ITPR1: variants seen among roughly 807,000 people sequenced by gnomAD.
The protein encoded by ITPR1 is inositol 1,4,5-trisphosphate-gated calcium channel ITPR1.
A neutral mutation model predicts 318.4 loss-of-function variants in ITPR1; 96 were observed. The observed-to-expected ratio is 0.30, with a 90% CI of 0.26 to 0.36. The LOEUF is 0.36. Ranked by LOEUF, ITPR1 falls within the 10% of genes least tolerant of loss-of-function variation. ITPR1 has a pLI of 1.00. For synonymous variants in ITPR1, 1,312 were observed against 1,289.9 expected, an observed-to-expected ratio of 1.02 and a Z score of -0.37; for missense variants, 2,440 against 3,460.2, an observed-to-expected ratio of 0.71 and a Z score of 7.40.
intron 40 of ITPR1, among the ~76,000 whole-genome samples, chr3:4,720,373 AG>A (rs2042063236): frequency 6.6e-6 from 1 of 152,198 alleles, no homozygotes; most frequent in South Asian, 2.1e-4. Flanking sequence ...ATGACAGGTG[AG>A]TGGCCCCAAC....
intron 31 of ITPR1, among the ~76,000 whole-genome samples, chr3:4,689,384 G>A (rs2094446422): frequency 6.6e-6 from 1 of 152,156 alleles, no homozygotes; most frequent in Non-Finnish European, 1.5e-5. Flanking sequence ...GGATAATATA[G>A]GTTGAGCATC....
At chr3:4,504,802 G>T (rs1018890875) in intron 2 of ITPR1, among the ~76,000 whole-genome samples, 21 of 152,262 alleles carry the variant, frequency 1.4e-4, no homozygotes, top group Admixed American at 3.9e-4. Context: ...CCGTAAATGC[G>T]TTAGGTTTTC....
intron 35 of ITPR1, among the ~76,000 whole-genome samples, chr3:4,702,240 C>T (rs1244662080): frequency 6.6e-6 from 1 of 152,116 alleles, no homozygotes; most frequent in African/African-American, 2.4e-5. Context: ...CTTCGAAGTA[C>T]TCATCATAAT....
intron 60 of ITPR1, among the ~76,000 whole-genome samples, chr3:4,833,560 T>A (rs2050670028): frequency 1.3e-5 from 2 of 152,242 alleles, no homozygotes; most frequent in Non-Finnish European, 2.9e-5. Context: ...CAGTGAGGAC[T>A]GTGAATGTCC....
chr3:4,504,834 T>C lies in ITPR1; in HGVS notation c.-17+10328T>C, dbSNP rs151316319. Among the ~76,000 whole-genome samples the C allele has an allele frequency of 3.8e-4, 58 of 152,358 alleles. 2 individuals carry two copies. The East Asian group carries it at 9.8e-3, about 26-fold the overall frequency. On this transcript the variant is annotated intron_variant, in intron 2 of 61. Transcript: ENST00000649015. ...TTTCTCTACCTCGTATTTACAGCCATATTACCATATATGTACCTGGGTGAG... is the reference window on the plus strand; with the variant it reads ...TTTCTCTACCTCGTATTTACAGCCACATTACCATATATGTACCTGGGTGAG...
intron 44 of ITPR1, among the ~76,000 whole-genome samples, chr3:4,739,602 C>A (rs1157620775): frequency 6.6e-6 from 1 of 152,242 alleles, no homozygotes; most frequent in African/African-American, 2.4e-5. Context: ...AGTTCCAGAG[C>A]TGGACAAAAC....
intron 46 of ITPR1, among the ~76,000 whole-genome samples, chr3:4,770,942 G>A (rs1262892654): frequency 6.6e-6 from 1 of 152,186 alleles, no homozygotes; most frequent in Non-Finnish European, 1.5e-5. Flanking sequence ...GACCCACAGA[G>A]GACTAGATGC....
At chr3:4,829,523 A>G (rs913119409) in intron 60 of ITPR1, among the ~76,000 whole-genome samples, 7 of 152,226 alleles carry the variant, frequency 4.6e-5, no homozygotes, top group African/African-American at 1.7e-4. Context: ...ATAAGAAAAA[A>G]TTACTAGACT....
chr3:4,738,870 G>A (rs1444668761), intron 44 of ITPR1, among the ~76,000 whole-genome samples: 3 of 151,866 alleles, frequency 2.0e-5, no homozygotes, highest in Non-Finnish European at 2.9e-5. Flanking sequence ...GGTGGTGTGG[G>A]GGCCTGTGGA....
rs191813166 is a variant in ITPR1, at chr3:4,767,586, A to G, written c.5725+876A>G. 8.3e-3 allele frequency among the ~76,000 whole-genome samples: 1,270 copies of G among 152,342 alleles called. 20 individuals carry two copies. Among genetic ancestry groups the G allele is most frequent in the African/African-American group, 0.029 (1,211 of 41,572 alleles). On this transcript the variant is annotated intron_variant, in intron 45 of 61. Coordinates refer to ENST00000649015, the MANE Select transcript of ITPR1 (RefSeq NM_001378452.1). ...CAGGTTAGAGTGCAGTGGCACGATC[A>G]TTGCTCACTGCAACGTCCAACTCCT...
intron 20 of ITPR1, 143 bp from the exon 21 acceptor site, chr3:4,672,993 A>G: frequency 1.2e-6 from 1 of 817,124 alleles, no homozygotes. Flanking sequence ...ATCCTGGTAT[A>G]CAAGAGCAAT....
At position 4,552,550 on chromosome 3, in the gene ITPR1, A is replaced by C. The variant is rs2085672079; in HGVS notation, c.163+31456A>C. Among the ~76,000 whole-genome samples the C allele has an allele frequency of 2.0e-5, 3 of 152,090 alleles. No homozygotes were observed. The South Asian group carries it at 6.2e-4, about 32-fold the overall frequency. ...AGTGTAGGAGCTTCTGTTCCTATGG[A>C]GTTGGGGCCCACTATCCTCCCAGTG... On this transcript the variant is annotated intron_variant, in intron 4 of 61. Transcript: ENST00000649015.
Position 4,710,894 on chromosome 3 carries a change from C to T in ITPR1, c.4991+421C>T, listed in dbSNP as rs550017477. Among the ~76,000 whole-genome samples, 49 of 152,152 alleles carry T rather than the reference C, an allele frequency of 3.2e-4. No homozygotes were observed. The highest frequency in any genetic ancestry group is 1.5e-3 in the East Asian group (8 of 5,178). ...CGTAATCTGTAAGCAACAAGCAGAC[C>T]CATGGTTAGAAATCTCCATTAGATT... On this transcript the variant is annotated intron_variant, in intron 38 of 61. Transcript: ENST00000649015. The surrounding 1 kb of genome is among the most constrained non-coding windows in gnomAD (Gnocchi z 4.2).
intron 2 of ITPR1, among the ~76,000 whole-genome samples, chr3:4,511,789 G>T (rs1244077097): frequency 6.6e-6 from 1 of 152,192 alleles, no homozygotes; most frequent in Non-Finnish European, 1.5e-5. Context: ...CATGGGCTGA[G>T]AGGTGCTTTT....
intron 35 of ITPR1, among the ~76,000 whole-genome samples, chr3:4,700,196 A>G (rs567360773): frequency 6.6e-6 from 1 of 152,286 alleles, no homozygotes; most frequent in Non-Finnish European, 1.5e-5. Flanking sequence ...TTTGTCCTCC[A>G]GTCCTCTGCT....
chr3:4,519,953 G>A (rs930916837), intron 3 of ITPR1, among the ~76,000 whole-genome samples: 131 of 152,116 alleles, frequency 8.6e-4, no homozygotes, highest in African/African-American at 3.0e-3. Context: ...TGTGGAGAAG[G>A]TGGGGCTCTT....
chr3:4,699,969 T>C (rs776940770), intron 35 of ITPR1, 28 bp downstream of exon 35: 5 of 1,605,164 alleles, frequency 3.1e-6, no homozygotes, highest in Non-Finnish European at 4.3e-6. Context: ...TCAAGCAGAA[T>C]GTTCACGATA....
intron 46 of ITPR1, 22 bp downstream of exon 46, chr3:4,768,786 C>A: frequency 6.3e-7 from 1 of 1,593,802 alleles, no homozygotes; most frequent in Non-Finnish European, 8.6e-7. Context: ...GGGGTGGGGG[C>A]GTGGAGGGAG....
At chr3:4,657,515 T>C (rs1356219289) in intron 12 of ITPR1, among the ~76,000 whole-genome samples, 7 of 151,258 alleles carry the variant, frequency 4.6e-5, no homozygotes, top group Non-Finnish European at 1.0e-4. Context: ...TCGTCTAGGC[T>C]GAAATGCGGT....
Sources: gnomAD v4.1 joint callset for allele counts (sites outside exome capture counted in the v4.1 genomes callset) on GRCh38, gnomAD v4.1.1 for gene constraint, Gnocchi (gnomAD v3.1) non-coding constraint, MANE v1.5 for transcripts, NCBI Gene and HGNC (gene_info 2026-07-23, HGNC 2026-07-21) for gene names.